The following ESRRG variants were observed in gnomAD, a reference collection of about 807,000 sequenced individuals.
ESRRG encodes estrogen-related receptor gamma.
Under a neutral mutation model 44.0 loss-of-function variants are expected in ESRRG, and 13 were observed. That is an observed-to-expected ratio of 0.30 (90% CI 0.19 to 0.47). ESRRG has a LOEUF of 0.47. Ranked by LOEUF, ESRRG falls within the 20% of genes least tolerant of loss-of-function variation. ESRRG has a pLI of 1.00. For missense variants in ESRRG, 395 were observed against 580.6 expected, an observed-to-expected ratio of 0.68 and a Z score of 3.29; for synonymous variants, 215 against 214.6, an observed-to-expected ratio of 1.00 and a Z score of -0.02.
intron 2 of ESRRG, among the ~76,000 whole-genome samples, chr1:216,792,038 G>A (rs953416838): frequency 1.3e-5 from 2 of 152,180 alleles, no homozygotes; most frequent in African/African-American, 2.4e-5. Flanking sequence ...AAGAAGAAGG[G>A]TTAAGTTTTC....
chr1:217,058,303 T>C (rs1008644330), intron 1 of ESRRG, among the ~76,000 whole-genome samples: 2 of 152,184 alleles, frequency 1.3e-5, no homozygotes, highest in African/African-American at 2.4e-5. Flanking sequence ...AGGGGTTTTA[T>C]ATCCAGCAAA....
chr1:216,832,016 A>G (rs1392342223), intron 2 of ESRRG, among the ~76,000 whole-genome samples: 1 of 152,208 alleles, frequency 6.6e-6, no homozygotes, highest in African/African-American at 2.4e-5. Flanking sequence ...TTTGCTACAC[A>G]GAGACTTCAG....
intron 2 of ESRRG, among the ~76,000 whole-genome samples, chr1:216,889,423 T>C (rs949824846): frequency 6.6e-6 from 1 of 152,182 alleles, no homozygotes; most frequent in Non-Finnish European, 1.5e-5. Context: ...TGAGAGGCCA[T>C]GGACACCCAC....
At chr1:216,793,735 A>G (rs2094393158) in intron 2 of ESRRG, among the ~76,000 whole-genome samples, 1 of 152,226 alleles carries the variant, frequency 6.6e-6, no homozygotes, top group Admixed American at 6.6e-5. Context: ...CCTAATACAA[A>G]GCAAAAGGTA....
chr1:217,040,631 A>T (rs998416140), intron 1 of ESRRG, among the ~76,000 whole-genome samples: 1 of 152,150 alleles, frequency 6.6e-6, no homozygotes, highest in African/African-American at 2.4e-5. Flanking sequence ...CTATCCTGTG[A>T]AATATCTTCA....
At chr1:217,084,174 A>G (rs1007654051) in intron 1 of ESRRG, among the ~76,000 whole-genome samples, 4 of 151,702 alleles carry the variant, frequency 2.6e-5, no homozygotes, top group African/African-American at 9.7e-5. Flanking sequence ...AAGAGGAAGG[A>G]AGGGAGGGAA....
At chr1:217,046,099 G>C (rs1267612219) in intron 1 of ESRRG, among the ~76,000 whole-genome samples, 1 of 151,572 alleles carries the variant, frequency 6.6e-6, no homozygotes. Context: ...AAAGAGTTAA[G>C]GCATGTCGCC....
chr1:216,858,799 G>A (rs1054765078), intron 2 of ESRRG, among the ~76,000 whole-genome samples: 2 of 152,136 alleles, frequency 1.3e-5, no homozygotes, highest in Non-Finnish European at 2.9e-5. Flanking sequence ...CCCCAGCTGT[G>A]ACCCATTCTT....
chr1:216,722,396 G>A (rs957055160), intron 1 of ESRRG, among the ~76,000 whole-genome samples: 1 of 150,278 alleles, frequency 6.7e-6, no homozygotes, highest in Non-Finnish European at 1.5e-5. Context: ...CTTACTTCTC[G>A]TACCCCCTAC....
At chr1:216,661,547 T>C (rs1292299220) in intron 2 of ESRRG, among the ~76,000 whole-genome samples, 1 of 152,202 alleles carries the variant, frequency 6.6e-6, no homozygotes, top group Admixed American at 6.6e-5. Flanking sequence ...TGGTGACTTT[T>C]GCAGACCGGT....
intron 2 of ESRRG, among the ~76,000 whole-genome samples, chr1:216,785,051 C>T (rs2094076561): frequency 6.6e-6 from 1 of 151,672 alleles, no homozygotes; most frequent in African/African-American, 2.4e-5. Context: ...ACTACGAAAA[C>T]AGCAAGGAAT....
intron 2 of ESRRG, among the ~76,000 whole-genome samples, chr1:216,817,372 T>C (rs1290822139): frequency 1.3e-5 from 2 of 152,236 alleles, no homozygotes; most frequent in African/African-American, 4.8e-5. Flanking sequence ...TGTCATCAAC[T>C]CCAGGAAAAA....
At chr1:216,619,338 CAAAGA>C (rs2061860557) in intron 3 of ESRRG, among the ~76,000 whole-genome samples, 1 of 152,072 alleles carries the variant, frequency 6.6e-6, no homozygotes. Context: ...TCTAAATAGG[CAAAGA>C]AAAGACATCA....
intron 2 of ESRRG, chr1:216,864,040 G>T (rs561510836): frequency 6.6e-6 from 1 of 152,296 alleles, no homozygotes; most frequent in Admixed American, 6.5e-5. Flanking sequence ...AGAGAAGGAG[G>T]AGTCAGAGGT....
At chr1:217,026,670 C>T (rs1257932680) in intron 1 of ESRRG, among the ~76,000 whole-genome samples, 1 of 152,012 alleles carries the variant, frequency 6.6e-6, no homozygotes, top group Non-Finnish European at 1.5e-5. Context: ...ATTAGTCACC[C>T]CCCAAAAGTT....
At chr1:216,617,732 C>T (rs1473110115) in intron 3 of ESRRG, among the ~76,000 whole-genome samples, 2 of 152,158 alleles carry the variant, frequency 1.3e-5, no homozygotes, top group Non-Finnish European at 2.9e-5. Flanking sequence ...ATTTAAGTAA[C>T]CCACATATAT....
upstream of ESRRG, chr1:216,723,480 T>C: frequency 1.6e-6 from 1 of 614,862 alleles, no homozygotes; most frequent in Middle Eastern, 2.9e-4. Flanking sequence ...CTTATTAATA[T>C]GAAGTAGGGC....
intron 2 of ESRRG, among the ~76,000 whole-genome samples, chr1:216,732,123 T>G (rs1490021514): frequency 1.9e-5 from 2 of 104,770 alleles, no homozygotes; most frequent in African/African-American, 3.6e-5. Flanking sequence ...AAAAAGAAAA[T>G]AAAAAAAAGA....
chr1:216,547,703 T>C (rs1446329641), intron 5 of ESRRG, among the ~76,000 whole-genome samples: 2 of 152,096 alleles, frequency 1.3e-5, no homozygotes, highest in Non-Finnish European at 2.9e-5. Flanking sequence ...TTAATGTTTG[T>C]TTTTGTACAC....
Sources: gnomAD v4.1 joint callset for allele counts (sites outside exome capture counted in the v4.1 genomes callset) on GRCh38, gnomAD v4.1.1 for gene constraint, MANE v1.5 for transcripts, NCBI Gene and HGNC (gene_info 2026-07-23, HGNC 2026-07-21) for gene names.